DYM: variants seen among roughly 807,000 people sequenced by gnomAD.
The protein encoded by DYM is dymeclin, also known as dyggve-Melchior-Clausen syndrome protein.
In DYM, 78 loss-of-function variants were observed where a neutral mutation model predicts 93.1. That is an observed-to-expected ratio of 0.84 (90% CI 0.70 to 1.01). DYM has a LOEUF of 1.01. Among genes scored for constraint, DYM ranks in the 50% least tolerant of loss-of-function variants. The probability of loss-of-function intolerance (pLI) is 0.00; values close to 1 mark genes in which losing one functional copy is unlikely to be tolerated. For synonymous variants in DYM, 321 were observed against 319.7 expected (o/e 1.00, Z -0.04); for missense variants, 789 against 845.0 (o/e 0.93, Z 0.82).
intron 17 of DYM, among the ~76,000 whole-genome samples, chr18:49,056,817 G>A (rs1315610997): frequency 6.6e-6 from 1 of 152,086 alleles, no homozygotes; most frequent in African/African-American, 2.4e-5. Flanking sequence ...AAAGTGCTGC[G>A]ATTACAGGCG....
intron 3 of DYM, 24 bp downstream of exon 3, chr18:49,391,569 C>A (rs1232325206): frequency 6.2e-7 from 1 of 1,611,680 alleles, no homozygotes; most frequent in Non-Finnish European, 8.5e-7. Context: ...AAAACAACAC[C>A]CCACACACAT....
intron 1 of DYM, among the ~76,000 whole-genome samples, chr18:49,453,672 G>A (rs932079729): frequency 6.6e-6 from 1 of 152,196 alleles, no homozygotes; most frequent in Non-Finnish European, 1.5e-5. Flanking sequence ...ATACTGGAAA[G>A]AGAGTTTTCA....
intron 11 of DYM, among the ~76,000 whole-genome samples, chr18:49,268,605 C>G (rs2094612098): frequency 6.6e-6 from 1 of 152,086 alleles, no homozygotes; most frequent in South Asian, 2.1e-4. Context: ...ATGTTTGCTT[C>G]AAAGTTTTTT....
chr18:49,133,085 A>G (rs1297436044), intron 15 of DYM, among the ~76,000 whole-genome samples: 1 of 152,212 alleles, frequency 6.6e-6, no homozygotes, highest in Non-Finnish European at 1.5e-5. Flanking sequence ...TATAAAAATA[A>G]CAAATGATTA....
chr18:49,316,538 T>C (rs1433727351), intron 8 of DYM, among the ~76,000 whole-genome samples: 1 of 152,148 alleles, frequency 6.6e-6, no homozygotes, highest in East Asian at 1.9e-4. Context: ...TAAGATGCAA[T>C]TTAAATAAAT....
intron 1 of DYM, among the ~76,000 whole-genome samples, chr18:49,454,997 CCT>C (rs1220527718): frequency 6.6e-6 from 1 of 151,774 alleles, no homozygotes; most frequent in African/African-American, 2.4e-5. Flanking sequence ...GAGCTGCTCT[CCT>C]CTCTCCTTTC....
chr18:49,157,091 A>G (rs945227422), intron 15 of DYM, among the ~76,000 whole-genome samples: 1 of 151,994 alleles, frequency 6.6e-6, no homozygotes, highest in Non-Finnish European at 1.5e-5. Flanking sequence ...CAAGGTCAGG[A>G]AGCACCCTGG....
At chr18:49,169,908 C>T (rs945796938) in intron 14 of DYM, among the ~76,000 whole-genome samples, 2 of 152,050 alleles carry the variant, frequency 1.3e-5, no homozygotes, top group Non-Finnish European at 2.9e-5. Context: ...GATGAGGATG[C>T]CTTAAAGCAA....
chr18:49,110,231 T>C lies in DYM; in HGVS notation c.1911+8513A>G, dbSNP rs1278471508. Among the ~76,000 whole-genome samples, 4 of 152,232 alleles carry C rather than the reference T, an allele frequency of 2.6e-5. No homozygotes were observed. The East Asian group carries it at 7.7e-4, about 29-fold the overall frequency. ...CTTACAGAAAAAGTTTGAGGACCTCTTCTTCCAACAGTCAATTATTTTATA... is the reference window on the plus strand; with the variant it reads ...CTTACAGAAAAAGTTTGAGGACCTCCTCTTCCAACAGTCAATTATTTTATA... On this transcript the variant is annotated intron_variant, in intron 16 of 17. Coordinates refer to ENST00000675505, the MANE Select transcript of DYM (RefSeq NM_001353214.3).
At chr18:49,147,219 G>A (rs1237669526) in intron 15 of DYM, among the ~76,000 whole-genome samples, 3 of 152,082 alleles carry the variant, frequency 2.0e-5, no homozygotes, top group East Asian at 3.9e-4. Context: ...AGACTTAGAT[G>A]TTAGACCTAA....
At chr18:49,328,777 G>T (rs1192255516) in intron 8 of DYM, among the ~76,000 whole-genome samples, 4 of 152,152 alleles carry the variant, frequency 2.6e-5, no homozygotes, top group African/African-American at 9.7e-5. Context: ...GAAAAGTCAG[G>T]AAACAACAGG....
In DYM at chr18:49,109,780, C is replaced by T. The variant is rs139885275; in HGVS notation, c.1911+8964G>A. 2.3e-3 allele frequency among the ~76,000 whole-genome samples: 354 copies of T among 152,324 alleles called. 2 individuals carry two copies. The highest frequency in any genetic ancestry group is 3.2e-3 in the Non-Finnish European group (215 of 68,026). ...CTCTTAGAGTGGTCAGTAACCATGCCTATCTTTTACTCCAGAAGGAGATAC... is the reference window on the plus strand; with the variant it reads ...CTCTTAGAGTGGTCAGTAACCATGCTTATCTTTTACTCCAGAAGGAGATAC... On this transcript the variant is annotated intron_variant, in intron 16 of 17. Coordinates refer to ENST00000675505, the MANE Select transcript of DYM (RefSeq NM_001353214.3).
chr18:49,378,831 T>C (rs1009638064), intron 4 of DYM, 131 bp from the exon 5 acceptor site: 1 of 815,770 alleles, frequency 1.2e-6, no homozygotes, highest in Non-Finnish European at 2.0e-6. Flanking sequence ...ATAATGTCCA[T>C]ATCTTTTAAT....
chr18:49,202,349 A>C (rs985896852), intron 14 of DYM, among the ~76,000 whole-genome samples: 20 of 151,696 alleles, frequency 1.3e-4, no homozygotes, highest in African/African-American at 2.2e-4. Context: ...ACTACAACCT[A>C]CACCTCCCAG....
At chr18:49,099,285 A>C (rs1383954824) in intron 16 of DYM, among the ~76,000 whole-genome samples, 1 of 152,156 alleles carries the variant, frequency 6.6e-6, no homozygotes, top group Non-Finnish European at 1.5e-5. Flanking sequence ...GATCATACAG[A>C]CAAGGAGTAG....
At chr18:49,337,937 T>G (rs1346207054) in intron 6 of DYM, among the ~76,000 whole-genome samples, 1 of 151,858 alleles carries the variant, frequency 6.6e-6, no homozygotes, top group African/African-American at 2.4e-5. Context: ...AATAAGAAAT[T>G]CAATATCGAT....
chr18:49,075,608 G>A (rs937251814), intron 17 of DYM, among the ~76,000 whole-genome samples: 41 of 152,252 alleles, frequency 2.7e-4, no homozygotes, highest in African/African-American at 9.9e-4. Flanking sequence ...ATGGCCACTG[G>A]TACGAGGAAA....
intron 5 of DYM, among the ~76,000 whole-genome samples, chr18:49,373,610 T>A (rs77145104): frequency 0.08 from 12,209 of 152,226 alleles, 772 homozygotes; most frequent in East Asian, 0.31. Context: ...TCTCATTCTG[T>A]GACTTAGAAT....
chr18:49,150,831 T>C (rs76123684), intron 15 of DYM, among the ~76,000 whole-genome samples: 22,813 of 152,220 alleles, frequency 0.15, 2,105 homozygotes, highest in East Asian at 0.23. Context: ...TACAGGTGAC[T>C]CAAATGTGTG....
Sources: gnomAD v4.1 joint callset for allele counts (sites outside exome capture counted in the v4.1 genomes callset) on GRCh38, gnomAD v4.1.1 for gene constraint, MANE v1.5 for transcripts, NCBI Gene and HGNC (gene_info 2026-07-23, HGNC 2026-07-21) for gene names.